Variants in ZNF469 observed in about 807,000 individuals in gnomAD.
The protein encoded by ZNF469 is zinc finger protein 469.
ZNF469 carries 1 observed loss-of-function variant against 1.0 expected under a neutral mutation model. The ratio of observed to expected loss-of-function variants is 1.00; its 90% confidence interval spans 0.35 to 4.73. The LOEUF is 4.73. ZNF469 is among the 30% of genes most tolerant of loss of function. ZNF469 has a pLI of 0.16. For synonymous variants in ZNF469, 2,703 were observed against 2,363.4 expected (o/e 1.14, Z -4.17); for missense variants, 6,100 against 5,356.3 (o/e 1.14, Z -4.33).
At chr16:88,101,230 G>C in the ZNF469 span, among the ~76,000 whole-genome samples, 1 of 152,246 alleles carries the variant, frequency 6.6e-6, no homozygotes, top group African/African-American at 2.4e-5. Flanking sequence ...GCACGCAGGG[G>C]AACGTGCCAT....
At chr16:88,154,640 C>T in the ZNF469 span, among the ~76,000 whole-genome samples, 1 of 152,246 alleles carries the variant, frequency 6.6e-6, no homozygotes, top group Non-Finnish European at 1.5e-5. Flanking sequence ...GAAGGGCTGG[C>T]TGCTCACTTT....
chr16:88,159,445 A>G, the ZNF469 span, among the ~76,000 whole-genome samples: 1,997 of 152,128 alleles, frequency 0.013, 50 homozygotes, highest in African/African-American at 0.046. Flanking sequence ...GGGACAGGCC[A>G]TGGCTCTGTG....
At chr16:88,117,735 C>T in the ZNF469 span, among the ~76,000 whole-genome samples, 1 of 152,202 alleles carries the variant, frequency 6.6e-6, no homozygotes, top group East Asian at 1.9e-4. Flanking sequence ...GATGCTGCCG[C>T]ACTGTTGCTG....
At chr16:88,239,664 T>A in the ZNF469 span, among the ~76,000 whole-genome samples, 2 of 77,150 alleles carry the variant, frequency 2.6e-5, 1 homozygote. Context: ...ATTTTTTTTT[T>A]TTGTATATAT....
At chr16:88,119,635 C>T in the ZNF469 span, among the ~76,000 whole-genome samples, 16 of 152,334 alleles carry the variant, frequency 1.1e-4, no homozygotes, top group African/African-American at 3.8e-4. Flanking sequence ...GACACAGGTG[C>T]CGGAAGCTTT....
upstream of ZNF469, among the ~76,000 whole-genome samples, chr16:88,381,244 A>G (rs2092523756): frequency 6.7e-6 from 1 of 148,596 alleles, no homozygotes; most frequent in African/African-American, 2.5e-5. Context: ...GCACTCACAG[A>G]CATGCACTCA....
chr16:88,349,118 C>A, the ZNF469 span, among the ~76,000 whole-genome samples: 2 of 152,120 alleles, frequency 1.3e-5, no homozygotes, highest in Non-Finnish European at 2.9e-5. Flanking sequence ...TTCCAGCAAC[C>A]TGGAAAAAGA....
chr16:88,435,430 G>C lies in ZNF469; in HGVS notation c.7960G>C (p.Asp2654His). The change falls in exon 3 of 3, where the codon GAT becomes CAT. Residue 2654 changes from aspartate to histidine, a missense_variant. By Grantham distance (81) the Asp-to-His change is moderately conservative. Transcript: ENST00000565624. ...GGAGAGCATTCTTCCAGTCTCTGCT[G>C]ATGTGATTTCAGATGGGCGCGGCTC... ...REESILPVSADVISDGRGSRP... is the reference protein window; with the variant it reads ...REESILPVSAHVISDGRGSRP... 2 of 1,550,256 alleles carry C rather than the reference G, an allele frequency of 1.3e-6. No individual in the cohort carries two copies. The highest frequency in any genetic ancestry group is 4.9e-5 in the East Asian group (2 of 40,920).
chr16:88,160,727 G>C, the ZNF469 span, among the ~76,000 whole-genome samples: 1 of 152,238 alleles, frequency 6.6e-6, no homozygotes, highest in Admixed American at 6.5e-5. Flanking sequence ...TTGGTGGTGG[G>C]AGAGGCGTGG....
chr16:88,252,599 G>C, the ZNF469 span, among the ~76,000 whole-genome samples: 1 of 152,116 alleles, frequency 6.6e-6, no homozygotes, highest in African/African-American at 2.4e-5. Flanking sequence ...TAACCACTCA[G>C]CTCTCATGCC....
the ZNF469 span, among the ~76,000 whole-genome samples, chr16:88,364,142 T>C: frequency 6.6e-6 from 1 of 152,226 alleles, no homozygotes; most frequent in East Asian, 1.9e-4. Context: ...GATTCCGAAA[T>C]TGAGTTTTGA....
the ZNF469 span, among the ~76,000 whole-genome samples, chr16:88,248,370 T>C: frequency 6.6e-6 from 1 of 152,296 alleles, no homozygotes; most frequent in East Asian, 1.9e-4. Flanking sequence ...ATTCGGGGAC[T>C]GAAATATTGG....
chr16:88,341,014 C>A, the ZNF469 span, among the ~76,000 whole-genome samples: 1 of 152,134 alleles, frequency 6.6e-6, no homozygotes, highest in Non-Finnish European at 1.5e-5. Flanking sequence ...TGGCAGCCCT[C>A]GCAGAGCTCC....
chr16:88,208,118 A>T, the ZNF469 span, among the ~76,000 whole-genome samples: 1 of 151,578 alleles, frequency 6.6e-6, no homozygotes, highest in Non-Finnish European at 1.5e-5. Context: ...TTAAAGATTT[A>T]ATGGGTTATA....
the ZNF469 span, among the ~76,000 whole-genome samples, chr16:88,197,884 C>G: frequency 6.6e-6 from 1 of 152,262 alleles, no homozygotes; most frequent in Non-Finnish European, 1.5e-5. Context: ...GACCAGTGAT[C>G]CCAGCAGAGC....
the ZNF469 span, among the ~76,000 whole-genome samples, chr16:88,211,968 T>C: frequency 6.6e-6 from 1 of 152,246 alleles, no homozygotes; most frequent in Non-Finnish European, 1.5e-5. Context: ...AAACAATTTG[T>C]CCAGTGATTA....
At chr16:88,133,066 C>G in the ZNF469 span, among the ~76,000 whole-genome samples, 6 of 152,144 alleles carry the variant, frequency 3.9e-5, no homozygotes, top group South Asian at 6.2e-4. Context: ...GGTTGGGGGC[C>G]GGGGGGCTGC....
At chr16:88,268,531 T>C in the ZNF469 span, among the ~76,000 whole-genome samples, 1 of 152,224 alleles carries the variant, frequency 6.6e-6, no homozygotes, top group Non-Finnish European at 1.5e-5. Flanking sequence ...GTCCCTCAAT[T>C]TGAGTTCTCC....
chr16:88,349,649 G>A, the ZNF469 span, among the ~76,000 whole-genome samples: 1 of 88,204 alleles, frequency 1.1e-5, no homozygotes, highest in African/African-American at 4.5e-5. Context: ...TGCACACACA[G>A]CAGGCACAAT....
Sources: gnomAD v4.1 joint callset for allele counts (sites outside exome capture counted in the v4.1 genomes callset) on GRCh38, gnomAD v4.1.1 for gene constraint, MANE v1.5 for transcripts, NCBI Gene and HGNC (gene_info 2026-07-23, HGNC 2026-07-21) for gene names.